Variants in APBB2 observed in about 807,000 individuals in gnomAD.
The protein encoded by APBB2 is amyloid beta precursor protein binding family B member 2.
In APBB2, 38 loss-of-function variants were observed where a neutral mutation model predicts 82.5. The ratio of observed to expected loss-of-function variants is 0.46; its 90% CI spans 0.36 to 0.60. The LOEUF is 0.60. APBB2 is among the 20% of genes least tolerant of loss of function. The pLI is 0.00. For synonymous variants in APBB2, 341 were observed against 368.2 expected, an observed-to-expected ratio of 0.93 and a Z score of 0.85; for missense variants, 772 against 972.3, an observed-to-expected ratio of 0.79 and a Z score of 2.74.
At chr4:40,962,150 T>G (rs1793464823) in intron 6 of APBB2, among the ~76,000 whole-genome samples, 1 of 151,956 alleles carries the variant, frequency 6.6e-6, no homozygotes, top group African/African-American at 2.4e-5. Context: ...GAGCTCTGAG[T>G]TTTTCAAAGA....
chr4:41,103,767 A>G (rs1369637711), intron 2 of APBB2, among the ~76,000 whole-genome samples: 1 of 152,208 alleles, frequency 6.6e-6, no homozygotes, highest in African/African-American at 2.4e-5. Flanking sequence ...TCACATGTGA[A>G]TCCAGCCAAT....
chr4:40,869,470 C>A (rs1297507230), intron 12 of APBB2, among the ~76,000 whole-genome samples: 1 of 151,754 alleles, frequency 6.6e-6, no homozygotes, highest in Non-Finnish European at 1.5e-5. Flanking sequence ...TGCCTGTAAT[C>A]CCAGCTACTC....
At position 41,044,750 on chromosome 4, in the gene APBB2, C is replaced by T. The variant is rs558320137; in HGVS notation, c.-50-11446G>A. Among the ~76,000 whole-genome samples, 10 of 152,258 alleles carry T rather than the reference C, an allele frequency of 6.6e-5. No individual in the cohort carries two copies. The South Asian group carries it at 2.1e-3, about 32-fold the overall frequency. ...TGTTTTTCCCTTTTTTGTCTAGATG[C>T]CCAAAGGACTTTTTCTTTTTCTTTC... On this transcript the variant is annotated intron_variant, in intron 4 of 17. Coordinates refer to ENST00000508593, the MANE Select transcript of APBB2 (RefSeq NM_004307.2).
chr4:41,001,370 C>A (rs1020207209), intron 6 of APBB2, among the ~76,000 whole-genome samples: 4 of 152,200 alleles, frequency 2.6e-5, no homozygotes, highest in Admixed American at 2.6e-4. Flanking sequence ...ATAAACAACA[C>A]AACAAAACCA....
intron 10 of APBB2, among the ~76,000 whole-genome samples, chr4:40,926,696 G>A (rs747327454): frequency 7.9e-5 from 12 of 152,172 alleles, no homozygotes; most frequent in Admixed American, 1.3e-4. Context: ...CAGGTGATCC[G>A]CCACGCCTGG....
intron 1 of APBB2, among the ~76,000 whole-genome samples, chr4:41,187,638 G>C (rs1436300930): frequency 6.6e-6 from 1 of 152,178 alleles, no homozygotes; most frequent in Admixed American, 6.5e-5. Context: ...CATGGTCATT[G>C]TAAGAATTAA....
chr4:41,117,489 C>G (rs1282411215), intron 2 of APBB2, among the ~76,000 whole-genome samples: 1 of 152,054 alleles, frequency 6.6e-6, no homozygotes, highest in Non-Finnish European at 1.5e-5. Context: ...GATGGGGTTT[C>G]ACCATCTTGG....
chr4:40,823,841 T>C (rs1041576619), intron 15 of APBB2, 82 bp from the exon 16 acceptor site: 2 of 837,076 alleles, frequency 2.4e-6, no homozygotes, highest in Non-Finnish European at 4.1e-6. Context: ...CAATAACAGC[T>C]ACGCCCAGAC....
intron 10 of APBB2, among the ~76,000 whole-genome samples, chr4:40,907,177 T>A (rs2154360387): frequency 1.3e-5 from 2 of 151,852 alleles, no homozygotes; most frequent in East Asian, 3.9e-4. Context: ...GGGTAGTTGT[T>A]AAGACTGAAT....
At chr4:40,852,081 C>T (rs775263941) in intron 12 of APBB2, among the ~76,000 whole-genome samples, 5 of 151,800 alleles carry the variant, frequency 3.3e-5, no homozygotes, top group South Asian at 2.1e-4. Context: ...ATTACGGGGC[C>T]GGGCGCAGTG....
At chr4:41,088,560 A>G (rs1329602059) in intron 3 of APBB2, among the ~76,000 whole-genome samples, 2 of 152,238 alleles carry the variant, frequency 1.3e-5, no homozygotes, top group African/African-American at 2.4e-5. Flanking sequence ...TAGCAAGGAA[A>G]GACTTGGGAG....
chr4:40,954,862 A>C (rs375700786), intron 6 of APBB2, among the ~76,000 whole-genome samples: 1 of 152,176 alleles, frequency 6.6e-6, no homozygotes, highest in Admixed American at 6.5e-5. Context: ...TCAGGGTTCC[A>C]CCATGTTGGC....
At chr4:41,144,549 A>G (rs150004393) in intron 1 of APBB2, among the ~76,000 whole-genome samples, 95 of 152,346 alleles carry the variant, frequency 6.2e-4, no homozygotes, top group Non-Finnish European at 1.1e-3. Flanking sequence ...GAAATGGGGT[A>G]TCTATGCTAT....
At chr4:41,180,198 C>T (rs1421942067) in intron 1 of APBB2, among the ~76,000 whole-genome samples, 1 of 152,214 alleles carries the variant, frequency 6.6e-6, no homozygotes, top group Non-Finnish European at 1.5e-5. Flanking sequence ...CCCCTCCTCG[C>T]TATCTCTTAC....
chr4:41,050,592 T>C (rs1036379625), intron 4 of APBB2, among the ~76,000 whole-genome samples: 6 of 152,180 alleles, frequency 3.9e-5, no homozygotes, highest in African/African-American at 1.2e-4. Context: ...CAATGTTACC[T>C]TTCCCTGGAA....
At chr4:41,193,051 C>T (rs1774921337) in intron 1 of APBB2, among the ~76,000 whole-genome samples, 1 of 152,194 alleles carries the variant, frequency 6.6e-6, no homozygotes, top group Non-Finnish European at 1.5e-5. Flanking sequence ...AACCTAAAGG[C>T]TTACTGGCTA....
intron 2 of APBB2, among the ~76,000 whole-genome samples, chr4:41,128,270 G>T (rs532757108): frequency 6.6e-6 from 1 of 152,144 alleles, no homozygotes; most frequent in Admixed American, 6.6e-5. Context: ...AAAAACAACA[G>T]ATGCTGGTGA....
chr4:41,089,742 C>T (rs928081340), intron 3 of APBB2, among the ~76,000 whole-genome samples: 17 of 152,016 alleles, frequency 1.1e-4, no homozygotes, highest in African/African-American at 4.1e-4. Flanking sequence ...AATATCAGTC[C>T]CTCTACTCTG....
chr4:40,924,785 G>A lies in APBB2; in HGVS notation c.1254+9671C>T, dbSNP rs534126183. On this transcript the variant is annotated intron_variant, in intron 10 of 17. Transcript: ENST00000508593. ...TAAATCCTGAGCAAAATAAATAATT[G>A]TTTTAAGCTACGAAGTTTTGGTGCA... 2.6e-5 allele frequency among the ~76,000 whole-genome samples: 4 copies of A among 152,302 alleles called. No individual in the cohort carries two copies. In the South Asian group the frequency reaches 8.3e-4, roughly 32 times the overall value.
Sources: gnomAD v4.1 joint callset for allele counts (sites outside exome capture counted in the v4.1 genomes callset) on GRCh38, gnomAD v4.1.1 for gene constraint, MANE v1.5 for transcripts, NCBI Gene and HGNC (gene_info 2026-07-23, HGNC 2026-07-21) for gene names.